The following DOCK1 variants were observed in gnomAD, a reference collection of about 807,000 sequenced individuals.
DOCK1 encodes dedicator of cytokinesis protein 1.
A neutral mutation model predicts 262.7 loss-of-function variants in DOCK1; 138 were observed. The ratio of observed to expected loss-of-function variants is 0.53; its 90% CI spans 0.46 to 0.61. The LOEUF is 0.61. DOCK1 is among the 20% of genes least tolerant of loss of function. The probability of loss-of-function intolerance (pLI) is 0.00; values close to 1 mark genes in which losing one functional copy is unlikely to be tolerated. For synonymous variants in DOCK1, 866 were observed against 867.4 expected (o/e 1.00, Z 0.03); for missense variants, 1,908 against 2,370.7 (o/e 0.80, Z 4.05).
intron 33 of DOCK1, among the ~76,000 whole-genome samples, chr10:127,371,945 A>G (rs978282198): frequency 6.6e-6 from 1 of 152,070 alleles, no homozygotes; most frequent in Non-Finnish European, 1.5e-5. Context: ...ATTTCAGGAG[A>G]AAAAAAATCT....
rs1317044650 is a variant in DOCK1, at chr10:126,948,839, A to G, written c.47-21863A>G. ...TCCCTCAAAGGGAACCTTGCCCCCT[A>G]TGCCTTTCCTGAGGTTGGGGATATG... is the stretch of plus-strand genomic sequence containing the variant. On this transcript the variant is annotated intron_variant, in intron 1 of 51. Coordinates refer to ENST00000623213, the MANE Select transcript of DOCK1 (RefSeq NM_001290223.2). Among the ~76,000 whole-genome samples, 16 of 151,968 alleles carry G rather than the reference A, an allele frequency of 1.1e-4. 2 individuals are homozygous for G. In the East Asian group the frequency reaches 1.8e-3, roughly 17 times the overall value.
intron 27 of DOCK1, among the ~76,000 whole-genome samples, chr10:127,230,385 T>C (rs568114178): frequency 2.0e-5 from 3 of 152,342 alleles, no homozygotes; most frequent in East Asian, 1.9e-4. Context: ...TGTTTTCTTC[T>C]AGCAGTTTTA....
intron 22 of DOCK1, among the ~76,000 whole-genome samples, chr10:127,060,672 C>T (rs1407100366): frequency 7.2e-5 from 11 of 151,918 alleles, no homozygotes; most frequent in African/African-American, 9.7e-5. Flanking sequence ...AATTTACAAA[C>T]GAGACTTATT....
chr10:127,060,104 G>GCAAAA (rs916623837), intron 22 of DOCK1, among the ~76,000 whole-genome samples: 13 of 141,716 alleles, frequency 9.2e-5, no homozygotes, highest in East Asian at 8.2e-4. Flanking sequence ...TCTCTCCCTG[G>GCAAAA]CGTTTTCCAA....
intron 22 of DOCK1, among the ~76,000 whole-genome samples, chr10:127,053,364 A>G (rs961395506): frequency 6.6e-6 from 1 of 151,750 alleles, no homozygotes; most frequent in Admixed American, 6.6e-5. Context: ...AATAAATAAA[A>G]CAACAATGAA....
intron 1 of DOCK1, among the ~76,000 whole-genome samples, chr10:126,925,100 T>A (rs1250764126): frequency 6.6e-6 from 1 of 152,260 alleles, no homozygotes; most frequent in African/African-American, 2.4e-5. Flanking sequence ...TGATTCATCT[T>A]ATGGCTGGGA....
At chr10:127,432,497 A>G (rs2069366832) in intron 47 of DOCK1, among the ~76,000 whole-genome samples, 1 of 152,062 alleles carries the variant, frequency 6.6e-6, no homozygotes, top group South Asian at 2.1e-4. Flanking sequence ...CCACATCCTC[A>G]GGTTAAAGGA....
At chr10:127,155,110 A>G (rs1228170790) in intron 27 of DOCK1, among the ~76,000 whole-genome samples, 1 of 152,224 alleles carries the variant, frequency 6.6e-6, no homozygotes, top group Non-Finnish European at 1.5e-5. Flanking sequence ...ATTTCCACGT[A>G]CAGAGCTACT....
At chr10:127,390,119 G>A (rs2066389411) in intron 38 of DOCK1, among the ~76,000 whole-genome samples, 2 of 152,122 alleles carry the variant, frequency 1.3e-5, no homozygotes, top group African/African-American at 4.8e-5. Context: ...CTCCCCAGAA[G>A]TGGCTGCTGC....
At chr10:127,135,453 A>T (rs2050605908) in intron 27 of DOCK1, 2 of 152,666 alleles carry the variant, frequency 1.3e-5, no homozygotes, top group South Asian at 4.1e-4. Flanking sequence ...TTTATTTAAA[A>T]ATTAATAAAG....
At chr10:127,139,176 C>T (rs1270649661) in intron 27 of DOCK1, among the ~76,000 whole-genome samples, 1 of 152,166 alleles carries the variant, frequency 6.6e-6, no homozygotes. Context: ...ATTTTATAAC[C>T]AGTGGAACCG....
At chr10:127,128,488 G>A (rs1184142441) in intron 27 of DOCK1, among the ~76,000 whole-genome samples, 1 of 151,700 alleles carries the variant, frequency 6.6e-6, no homozygotes, top group Non-Finnish European at 1.5e-5. Flanking sequence ...CCATCATCTA[G>A]GTTTTAAGCC....
chr10:127,166,184 G>GC (rs1426331887), intron 27 of DOCK1, among the ~76,000 whole-genome samples: 3 of 152,190 alleles, frequency 2.0e-5, no homozygotes, highest in Non-Finnish European at 2.9e-5. Context: ...TCCTGCCTCA[G>GC]CCCCCCAAGT....
At chr10:127,014,342 T>C (rs2041700575) in intron 12 of DOCK1, among the ~76,000 whole-genome samples, 1 of 152,246 alleles carries the variant, frequency 6.6e-6, no homozygotes, top group African/African-American at 2.4e-5. Context: ...CAACCCCAAA[T>C]GCACTTTTTT....
At chr10:126,993,194 C>T (rs1185496113) in intron 6 of DOCK1, among the ~76,000 whole-genome samples, 1 of 152,256 alleles carries the variant, frequency 6.6e-6, no homozygotes, top group Non-Finnish European at 1.5e-5. Flanking sequence ...GCACAGCAGG[C>T]TGGCACAGGG....
intron 15 of DOCK1, chr10:127,025,089 A>C: frequency 5.1e-6 from 1 of 196,514 alleles, no homozygotes; most frequent in Non-Finnish European, 1.0e-5. Context: ...CTTTACACCA[A>C]ACAAAAAAAC....
intron 27 of DOCK1, among the ~76,000 whole-genome samples, chr10:127,237,700 G>A (rs917995744): frequency 6.6e-6 from 1 of 152,098 alleles, no homozygotes; most frequent in African/African-American, 2.4e-5. Flanking sequence ...CTAAATCATT[G>A]GTTGTAGTTC....
rs1205201716 is a variant in DOCK1, at chr10:127,282,928, G to A, written c.3044+25499G>A. 6.6e-5 allele frequency among the ~76,000 whole-genome samples: 10 copies of A among 152,242 alleles called. No homozygotes were observed. In the East Asian group the frequency reaches 1.9e-3, roughly 29 times the overall value. ...GTCCTGCGTGTATCCTACCAACTGT[G>A]TTTCCATTCTCTTTTCTCCCACCAC... On this transcript the variant is annotated intron_variant, in intron 29 of 51. Transcript: ENST00000623213.
At chr10:127,170,436 C>T (rs562190454) in intron 27 of DOCK1, among the ~76,000 whole-genome samples, 1 of 152,322 alleles carries the variant, frequency 6.6e-6, no homozygotes, top group African/African-American at 2.4e-5. Context: ...AGATTCTGAT[C>T]ATGTGCTTGA....
Sources: allele counts gnomAD v4.1 joint callset (sites outside exome capture counted in the v4.1 genomes callset), GRCh38; gene constraint gnomAD v4.1.1; transcripts MANE v1.5; gene names NCBI Gene and HGNC (gene_info 2026-07-23, HGNC 2026-07-21).